ZNF248: variants seen among roughly 807,000 people sequenced by gnomAD.
ZNF248 encodes the protein KRAB protein domain.
ZNF248 carries 20 observed loss-of-function variants against 44.3 expected under a neutral mutation model. The observed-to-expected ratio is 0.45, with a 90% CI of 0.32 to 0.66. The LOEUF is 0.66. ZNF248 is among the 30% of genes least tolerant of loss of function. ZNF248 has a pLI of 0.04. For synonymous variants in ZNF248, 224 were observed against 229.0 expected (o/e 0.98, Z 0.20); for missense variants, 654 against 677.0 (o/e 0.97, Z 0.38).
the ZNF248 span, among the ~76,000 whole-genome samples, chr10:37,765,884 A>G: frequency 6.6e-6 from 1 of 152,248 alleles, no homozygotes; most frequent in East Asian, 1.9e-4. Context: ...CAGATGGCAC[A>G]TGGAAAATTG....
At chr10:37,852,932 G>A (rs2060570665) in intron 3 of ZNF248, among the ~76,000 whole-genome samples, 1 of 151,850 alleles carries the variant, frequency 6.6e-6, no homozygotes, top group Admixed American at 6.6e-5. Context: ...CGTGATCTCG[G>A]CTCACTGCAA....
chr10:37,820,030 G>A lies in ZNF248; in HGVS notation c.330+12995C>T, dbSNP rs141752422. The A allele has an allele frequency of 2.0e-4, 161 of 798,600 alleles. 3 individuals are homozygous for A. The East Asian group carries it at 3.9e-3, about 19-fold the overall frequency. The allele number at this position is 798,600 out of a possible 1,614,324, so 49.5% of individuals were successfully genotyped here. On this transcript the variant is annotated intron_variant, in intron 6 of 6. Transcript: ENST00000615949. The stretch of plus-strand genomic sequence containing the variant: ...CTTCTCTTTTTGACTTTTCTATGAG[G>A]ACTTTCTTGCTCATTGTCACACATC...
chr10:37,762,848 T>A, the ZNF248 span, among the ~76,000 whole-genome samples: 1 of 152,186 alleles, frequency 6.6e-6, no homozygotes, highest in Admixed American at 6.5e-5. Context: ...ACAATGAGCA[T>A]TACCATTCTC....
intron 3 of ZNF248, among the ~76,000 whole-genome samples, chr10:37,851,631 T>A (rs2060240844): frequency 6.6e-6 from 1 of 151,330 alleles, no homozygotes; most frequent in African/African-American, 2.4e-5. Flanking sequence ...AAAAAAAAAA[T>A]TACCATTCTT....
At chr10:37,811,759 T>C (rs1403749499) in intron 6 of ZNF248, among the ~76,000 whole-genome samples, 1 of 151,830 alleles carries the variant, frequency 6.6e-6, no homozygotes, top group South Asian at 2.1e-4. Flanking sequence ...GGTGGGAGGA[T>C]TGTTTGAGCC....
chr10:37,849,808 C>T (rs750922364), intron 3 of ZNF248, among the ~76,000 whole-genome samples: 1 of 152,030 alleles, frequency 6.6e-6, no homozygotes, highest in Non-Finnish European at 1.5e-5. Context: ...TGCAGTGGTT[C>T]ACGCCTGTAA....
chr10:37,855,352 T>G (rs1178486342), intron 3 of ZNF248, among the ~76,000 whole-genome samples: 1 of 152,194 alleles, frequency 6.6e-6, no homozygotes, highest in Non-Finnish European at 1.5e-5. Flanking sequence ...AATATATATG[T>G]ACATCTTTTG....
chr10:37,844,212 G>A (rs2058876016), intron 3 of ZNF248, among the ~76,000 whole-genome samples: 1 of 152,024 alleles, frequency 6.6e-6, no homozygotes, highest in Non-Finnish European at 1.5e-5. Context: ...AGTGTTAAGA[G>A]GGGAAAAAAC....
intron 6 of ZNF248, chr10:37,819,373 C>G (rs1338761701): frequency 7.6e-7 from 1 of 1,311,038 alleles, no homozygotes; most frequent in Non-Finnish European, 1.1e-6. Flanking sequence ...CTTTATGAAT[C>G]CAGTATTCCC....
intron 6 of ZNF248, among the ~76,000 whole-genome samples, chr10:37,812,294 T>C (rs886595854): frequency 6.6e-6 from 1 of 151,738 alleles, no homozygotes; most frequent in Non-Finnish European, 1.5e-5. Flanking sequence ...AACAGGTCTT[T>C]AATGTAGACA....
intron 6 of ZNF248, among the ~76,000 whole-genome samples, chr10:37,818,269 A>G (rs979437053): frequency 1.2e-4 from 18 of 152,120 alleles, no homozygotes; most frequent in African/African-American, 4.3e-4. Context: ...TGCATCAGGA[A>G]CCCCCGTGAG....
chr10:37,779,537 G>C (rs1293712456), intron 6 of ZNF248, among the ~76,000 whole-genome samples: 2 of 151,872 alleles, frequency 1.3e-5, no homozygotes, highest in African/African-American at 4.8e-5. Flanking sequence ...AGCTATCTAT[G>C]ACAAACCCAC....
In ZNF248 at chr10:37,831,233, T is replaced by A; in HGVS notation, c.*382A>T. Reference sequence around the variant, plus strand: ...AAATTTATATATTTGCATACTCACATAAGGTCTACAAACATCGGGGACTCT... The same window carrying A: ...AAATTTATATATTTGCATACTCACAAAAGGTCTACAAACATCGGGGACTCT... On this transcript the variant is annotated 3_prime_UTR_variant, in exon 6 of 6. Coordinates refer to ENST00000395867, the MANE Select transcript of ZNF248 (RefSeq NM_021045.3). 6.5e-7 allele frequency: 1 copy of A among 1,547,818 alleles called. No homozygotes were observed.
At position 37,829,403 on chromosome 10, in the gene ZNF248, A is replaced by T. The variant is rs1273260767; in HGVS notation, c.*2212T>A. ...AGAATTCTGTTTTCCACCAGAAAGA[A>T]CCATGGCTGATACAAACAGCCATCC... On this transcript the variant is annotated 3_prime_UTR_variant, in exon 6 of 6. Coordinates refer to ENST00000395867, the MANE Select transcript of ZNF248 (RefSeq NM_021045.3). The T allele has an allele frequency of 1.0e-6, 1 of 985,300 alleles. No homozygotes were observed. 61.0% of individuals were successfully genotyped at this position (985,300 alleles called of 1,614,324 possible). A position where few individuals can be genotyped will look rare whatever the true frequency, so the allele number is the denominator to read the frequency against.
chr10:37,852,648 TATAG>T (rs1026923821), intron 3 of ZNF248, among the ~76,000 whole-genome samples: 1 of 149,798 alleles, frequency 6.7e-6, no homozygotes, highest in African/African-American at 2.4e-5. Context: ...TATATATAGA[TATAG>T]ATATATAGAT....
intron 3 of ZNF248, among the ~76,000 whole-genome samples, chr10:37,850,632 T>C (rs1224272754): frequency 1.3e-5 from 2 of 152,010 alleles, no homozygotes; most frequent in Non-Finnish European, 2.9e-5. Context: ...AACCCAGAAA[T>C]AGGCCTACAC....
chr10:37,773,621 G>A (rs2046359741), downstream of ZNF248, among the ~76,000 whole-genome samples: 1 of 152,128 alleles, frequency 6.6e-6, no homozygotes, highest in South Asian at 2.1e-4. Context: ...GAACAGGGTT[G>A]GTTTCTTCTG....
intron 6 of ZNF248, chr10:37,818,807 G>C: frequency 1.2e-6 from 1 of 849,194 alleles, no homozygotes. Context: ...ACTCATTTTG[G>C]TGGGAACTGC....
chr10:37,845,100 C>T (rs1349454025), intron 3 of ZNF248, among the ~76,000 whole-genome samples: 1 of 128,418 alleles, frequency 7.8e-6, no homozygotes, highest in Non-Finnish European at 1.7e-5. Flanking sequence ...ACTGCAACCT[C>T]TGCCTCCCAG....
Sources: gnomAD v4.1 joint callset for allele counts (sites outside exome capture counted in the v4.1 genomes callset) on GRCh38, gnomAD v4.1.1 for gene constraint, MANE v1.5 for transcripts, NCBI Gene and HGNC (gene_info 2026-07-23, HGNC 2026-07-21) for gene names.